The following MACROD2 variants were observed in gnomAD, a reference collection of about 807,000 sequenced individuals.
The protein encoded by MACROD2 is ADP-ribose glycohydrolase MACROD2.
MACROD2 carries 36 observed loss-of-function variants against 70.4 expected under a neutral mutation model. That is an observed-to-expected ratio of 0.51 (90% CI 0.39 to 0.68). MACROD2 has a LOEUF of 0.68. Ranked by LOEUF, MACROD2 falls within the 30% of genes least tolerant of loss-of-function variation. The pLI is 0.00. For missense variants in MACROD2, 496 were observed against 538.4 expected, an observed-to-expected ratio of 0.92 and a Z score of 0.78; for synonymous variants, 172 against 178.8, an observed-to-expected ratio of 0.96 and a Z score of 0.30.
chr20:14,387,481 A>C (rs1377094877), intron 3 of MACROD2, among the ~76,000 whole-genome samples: 1 of 152,222 alleles, frequency 6.6e-6, no homozygotes, highest in Non-Finnish European at 1.5e-5. Flanking sequence ...AGATCCAATA[A>C]GAAAATAGAA....
intron 3 of MACROD2, among the ~76,000 whole-genome samples, chr20:14,311,405 A>T (rs2082565899): frequency 6.6e-6 from 1 of 152,168 alleles, no homozygotes; most frequent in African/African-American, 2.4e-5. Context: ...AGTAGGCTAT[A>T]CTATCTAGGC....
Position 15,745,581 on chromosome 20 carries a change from A to T in MACROD2, c.646-117164A>T, listed in dbSNP as rs16996452. The stretch of plus-strand genomic sequence containing the variant: ...GGCTTGTCTTTTCCATTTCTTCTGG[A>T]TGTTTTTGAAGAAAAGCTCTTCGTT... On this transcript the variant is annotated intron_variant, in intron 8 of 17. Transcript: ENST00000684519. 2.0e-5 allele frequency among the ~76,000 whole-genome samples: 3 copies of T among 152,090 alleles called. No homozygotes were observed. The East Asian group carries it at 5.8e-4, about 29-fold the overall frequency.
At chr20:15,824,552 G>T (rs1283544137) in intron 8 of MACROD2, among the ~76,000 whole-genome samples, 1 of 152,158 alleles carries the variant, frequency 6.6e-6, no homozygotes, top group Non-Finnish European at 1.5e-5. Flanking sequence ...TTCACTGCAT[G>T]GTTACTGCAG....
intron 15 of MACROD2, among the ~76,000 whole-genome samples, chr20:16,019,220 C>A (rs1019640995): frequency 2.6e-5 from 4 of 152,094 alleles, no homozygotes; most frequent in Non-Finnish European, 4.4e-5. Flanking sequence ...AAAGAACAAA[C>A]CAACTTAGAA....
intron 3 of MACROD2, among the ~76,000 whole-genome samples, chr20:14,318,926 G>A (rs147007843): frequency 1.3e-5 from 2 of 152,174 alleles, no homozygotes; most frequent in Non-Finnish European, 2.9e-5. Context: ...AGTAATTGAC[G>A]TTTTTGCTTG....
At chr20:15,361,399 G>A (rs1401468047) in intron 6 of MACROD2, among the ~76,000 whole-genome samples, 3 of 152,096 alleles carry the variant, frequency 2.0e-5, no homozygotes, top group Admixed American at 6.6e-5. Flanking sequence ...CTACTTTTGG[G>A]TTCACTATTA....
chr20:15,482,633 G>C (rs1441203639), intron 7 of MACROD2, among the ~76,000 whole-genome samples: 1 of 152,180 alleles, frequency 6.6e-6, no homozygotes, highest in African/African-American at 2.4e-5. Flanking sequence ...AGTTTTGTAA[G>C]AAACTGACAA....
At chr20:15,569,180 G>A (rs769512996) in intron 8 of MACROD2, among the ~76,000 whole-genome samples, 11 of 152,078 alleles carry the variant, frequency 7.2e-5, no homozygotes, top group Admixed American at 2.6e-4. Flanking sequence ...AAGTTTCCAC[G>A]GTGTATGGGG....
At chr20:15,999,533 T>C (rs2066680296) in intron 15 of MACROD2, among the ~76,000 whole-genome samples, 1 of 152,208 alleles carries the variant, frequency 6.6e-6, no homozygotes, top group Admixed American at 6.5e-5. Flanking sequence ...TTATTGATTT[T>C]CTTTCTGGGT....
intron 8 of MACROD2, among the ~76,000 whole-genome samples, chr20:15,703,635 C>T (rs1025691738): frequency 8.5e-5 from 13 of 152,088 alleles, no homozygotes; most frequent in African/African-American, 2.7e-4. Flanking sequence ...TTGTAGTTTC[C>T]GTGGGGCAGA....
chr20:14,005,895 C>T (rs1025454878), intron 2 of MACROD2, among the ~76,000 whole-genome samples: 1 of 152,118 alleles, frequency 6.6e-6, no homozygotes, highest in Non-Finnish European at 1.5e-5. Context: ...GCCACTGCAC[C>T]TGCCTCTTTT....
intron 16 of MACROD2, among the ~76,000 whole-genome samples, chr20:16,042,532 G>A (rs2067320901): frequency 6.6e-6 from 1 of 152,040 alleles, no homozygotes; most frequent in African/African-American, 2.4e-5. Flanking sequence ...TGTTTAACAA[G>A]ATTTAAAGTT....
intron 6 of MACROD2, among the ~76,000 whole-genome samples, chr20:15,360,920 T>C (rs2078344550): frequency 6.6e-6 from 1 of 152,046 alleles, no homozygotes; most frequent in Non-Finnish European, 1.5e-5. Context: ...GTATTTTTAC[T>C]GTTGAGTTTC....
At chr20:15,975,198 C>T (rs759935104) in intron 13 of MACROD2, among the ~76,000 whole-genome samples, 1 of 152,044 alleles carries the variant, frequency 6.6e-6, no homozygotes, top group Non-Finnish European at 1.5e-5. Flanking sequence ...ATAGTATCTT[C>T]TCTTTTTGAA....
chr20:14,563,340 G>A (rs1453341016), intron 4 of MACROD2, among the ~76,000 whole-genome samples: 1 of 151,784 alleles, frequency 6.6e-6, no homozygotes, highest in Non-Finnish European at 1.5e-5. Flanking sequence ...AAAAGGGAAT[G>A]GAATTTATTT....
chr20:15,301,135 A>G (rs2077638174), intron 6 of MACROD2, among the ~76,000 whole-genome samples: 1 of 152,222 alleles, frequency 6.6e-6, no homozygotes, highest in Admixed American at 6.5e-5. Context: ...CGCCTGCCTT[A>G]CTGGCCCACT....
chr20:15,150,065 T>G (rs894893713), intron 5 of MACROD2, among the ~76,000 whole-genome samples: 13 of 151,950 alleles, frequency 8.6e-5, no homozygotes, highest in African/African-American at 3.1e-4. Flanking sequence ...GGTGCTGTAG[T>G]TTGAGAGATC....
At chr20:14,352,537 T>C (rs1042492253) in intron 3 of MACROD2, 2 of 152,146 alleles carry the variant, frequency 1.3e-5, no homozygotes, top group African/African-American at 4.8e-5. Flanking sequence ...TTTTAATGAA[T>C]TTGCTGTAAT....
chr20:15,102,715 C>T (rs1371875690), intron 5 of MACROD2, among the ~76,000 whole-genome samples: 2 of 127,690 alleles, frequency 1.6e-5, no homozygotes, highest in Non-Finnish European at 3.4e-5. Flanking sequence ...TAGAAAAGCA[C>T]TATTGTAGAT....
Sources: allele counts gnomAD v4.1 joint callset (sites outside exome capture counted in the v4.1 genomes callset), GRCh38; gene constraint gnomAD v4.1.1; transcripts MANE v1.5; gene names NCBI Gene and HGNC (gene_info 2026-07-23, HGNC 2026-07-21).